Variants in STXBP5L observed in about 807,000 individuals in gnomAD.
STXBP5L encodes syntaxin-binding protein 5-like.
STXBP5L carries 65 observed loss-of-function variants against 144.5 expected under a neutral mutation model. The ratio of observed to expected loss-of-function variants is 0.45; its 90% confidence interval spans 0.37 to 0.55. The LOEUF is 0.55. Among genes scored for constraint, STXBP5L ranks in the 20% least tolerant of loss-of-function variants. The pLI is 0.00. For missense variants in STXBP5L, 1,298 were observed against 1,405.5 expected (o/e 0.92, Z 1.22); for synonymous variants, 505 against 469.6 (o/e 1.08, Z -0.97).
intron 3 of STXBP5L, among the ~76,000 whole-genome samples, chr3:120,959,011 A>G (rs1157099979): frequency 2.6e-5 from 4 of 152,180 alleles, no homozygotes; most frequent in Non-Finnish European, 4.4e-5. Context: ...AATCCCCATC[A>G]TCTCAGCCCA....
intron 8 of STXBP5L, 34 bp from the exon 9 acceptor site, chr3:121,157,469 TC>T (rs1559805634): frequency 1.3e-6 from 2 of 1,539,872 alleles, no homozygotes; most frequent in South Asian, 1.3e-5. Flanking sequence ...TCTACTTTTT[TC>T]CCCCTCTACT....
intron 3 of STXBP5L, among the ~76,000 whole-genome samples, chr3:120,957,258 T>C (rs550132699): frequency 3.4e-4 from 52 of 152,148 alleles, no homozygotes; most frequent in African/African-American, 1.2e-3. Flanking sequence ...GTGTGAAATT[T>C]GAAATTAGAT....
intron 18 of STXBP5L, among the ~76,000 whole-genome samples, chr3:121,271,631 A>G (rs2050736844): frequency 6.6e-6 from 1 of 152,182 alleles, no homozygotes; most frequent in African/African-American, 2.4e-5. Flanking sequence ...ATAATTTTGA[A>G]GTAGCTTATC....
intron 9 of STXBP5L, among the ~76,000 whole-genome samples, chr3:121,196,861 T>C (rs926672785): frequency 2.0e-5 from 3 of 151,446 alleles, no homozygotes; most frequent in Admixed American, 2.0e-4. Context: ...GATTGATTGA[T>C]TGATTGAGAC....
chr3:121,109,937 G>T (rs1315154528), intron 5 of STXBP5L, among the ~76,000 whole-genome samples: 1 of 152,148 alleles, frequency 6.6e-6, no homozygotes, highest in Non-Finnish European at 1.5e-5. Flanking sequence ...TCTTCTTGTT[G>T]AATTGAACTT....
At chr3:121,096,554 A>G (rs1009622124) in intron 5 of STXBP5L, among the ~76,000 whole-genome samples, 2 of 151,830 alleles carry the variant, frequency 1.3e-5, no homozygotes, top group African/African-American at 4.8e-5. Context: ...TGGATGTGCT[A>G]TTCGTTTCTG....
At chr3:121,198,775 G>A (rs1025273614) in intron 9 of STXBP5L, among the ~76,000 whole-genome samples, 4 of 152,096 alleles carry the variant, frequency 2.6e-5, no homozygotes, top group Non-Finnish European at 2.9e-5. Context: ...TGCCAAGTTT[G>A]TTGAAGATCA....
At chr3:121,329,996 A>G (rs1320363268) in intron 20 of STXBP5L, among the ~76,000 whole-genome samples, 1 of 152,210 alleles carries the variant, frequency 6.6e-6, no homozygotes, top group East Asian at 1.9e-4. Flanking sequence ...AATATTTACT[A>G]CTGAATAGCA....
At chr3:121,080,394 T>TA (rs951667731) in intron 5 of STXBP5L, among the ~76,000 whole-genome samples, 3 of 152,058 alleles carry the variant, frequency 2.0e-5, no homozygotes, top group African/African-American at 7.3e-5. Flanking sequence ...TGTTTTTTTT[T>TA]AAATTGTGTT....
chr3:121,415,829 A>C, intron 24 of STXBP5L, 28 bp from the exon 25 acceptor site: 1 of 1,508,876 alleles, frequency 6.6e-7, no homozygotes, highest in South Asian at 1.2e-5. Flanking sequence ...TAGTTGTTCT[A>C]ATGCTTTTTT....
At chr3:121,051,883 C>T (rs1948031300) in intron 5 of STXBP5L, among the ~76,000 whole-genome samples, 1 of 151,908 alleles carries the variant, frequency 6.6e-6, no homozygotes, top group Non-Finnish European at 1.5e-5. Context: ...CAAATAGATG[C>T]AATAAAAAAT....
At position 120,960,654 on chromosome 3, in the gene STXBP5L, C is replaced by G. The variant is rs532822806; in HGVS notation, c.287+5617C>G. 4.0e-5 allele frequency among the ~76,000 whole-genome samples: 6 copies of G among 151,312 alleles called. No homozygotes were observed. The South Asian group carries it at 1.3e-3, about 32-fold the overall frequency. ...AACCATCATTCTCAGCAAACTATGGCAAGGACAGAAAAACCAAATACCGCG... is the reference window on the plus strand; with the variant it reads ...AACCATCATTCTCAGCAAACTATGGGAAGGACAGAAAAACCAAATACCGCG... On this transcript the variant is annotated intron_variant, in intron 3 of 26. Transcript: ENST00000471454.
Position 121,254,995 on chromosome 3 carries a change from A to C in STXBP5L, c.1542A>C (p.Pro514=), listed in dbSNP as rs897455507. ...KQTCEIVEED[P]FAIQMIYWCP... ...CATGTGAAATTGTAGAGGAAGACCC[A>C]TTTGCCATTCAGATGATTTACTGGT... Residue 514 remains proline, a synonymous_variant, in exon 16 of 27, where the codon CCA becomes CCC. Transcript: ENST00000471454. The C allele has an allele frequency of 6.2e-6, 10 of 1,613,644 alleles. No homozygotes were observed. Among genetic ancestry groups the C allele is most frequent in the Non-Finnish European group, 8.5e-6 (10 of 1,179,726 alleles).
At chr3:121,356,853 G>C (rs2045532477) in intron 20 of STXBP5L, 1 of 152,544 alleles carries the variant, frequency 6.6e-6, no homozygotes, top group Non-Finnish European at 1.5e-5. Flanking sequence ...TAAATGAAAA[G>C]AAGATATAAC....
intron 3 of STXBP5L, among the ~76,000 whole-genome samples, chr3:121,016,810 G>C (rs1945179782): frequency 1.3e-5 from 2 of 152,116 alleles, no homozygotes; most frequent in Non-Finnish European, 2.9e-5. Flanking sequence ...TTCCAAAACA[G>C]AAAGCACCAG....
chr3:121,037,804 T>A (rs1946865757), intron 3 of STXBP5L, among the ~76,000 whole-genome samples: 1 of 152,078 alleles, frequency 6.6e-6, no homozygotes, highest in Non-Finnish European at 1.5e-5. Flanking sequence ...TGGAGTTTTC[T>A]TTGAGGAAAT....
intron 2 of STXBP5L, among the ~76,000 whole-genome samples, chr3:120,918,172 T>C (rs1242935267): frequency 6.6e-6 from 1 of 152,162 alleles, no homozygotes; most frequent in Admixed American, 6.5e-5. Context: ...CTTTCCTGCC[T>C]CCCTTTTTTA....
At chr3:121,114,763 A>G (rs1361263619) in intron 5 of STXBP5L, among the ~76,000 whole-genome samples, 162 bp from the exon 6 acceptor site, 2 of 152,154 alleles carry the variant, frequency 1.3e-5, no homozygotes, top group African/African-American at 4.8e-5. Context: ...ACGCTATAAT[A>G]TTATTTATCC....
intron 19 of STXBP5L, chr3:121,282,323 G>A (rs750739021): frequency 1.3e-5 from 21 of 1,611,186 alleles, no homozygotes; most frequent in Middle Eastern, 1.6e-4. Flanking sequence ...AAACGGATCC[G>A]TACTTCCTAT....
Sources: allele counts gnomAD v4.1 joint callset (sites outside exome capture counted in the v4.1 genomes callset), GRCh38; gene constraint gnomAD v4.1.1; transcripts MANE v1.5; gene names NCBI Gene and HGNC (gene_info 2026-07-23, HGNC 2026-07-21).